The following TMEM63B variants were observed in gnomAD, a reference collection of about 807,000 sequenced individuals.
TMEM63B encodes transmembrane protein 63B.
In TMEM63B, 23 loss-of-function variants were observed where a neutral mutation model predicts 102.6. The ratio of observed to expected loss-of-function variants is 0.22; its 90% CI spans 0.16 to 0.32. The LOEUF (loss-of-function observed/expected upper bound fraction) is 0.32. Ranked by LOEUF, TMEM63B falls within the 10% of genes least tolerant of loss-of-function variation. TMEM63B has a pLI of 1.00. For synonymous variants in TMEM63B, 444 were observed against 437.0 expected, an observed-to-expected ratio of 1.02 and a Z score of -0.20; for missense variants, 628 against 1,095.9, an observed-to-expected ratio of 0.57 and a Z score of 6.03.
intron 4 of TMEM63B, among the ~76,000 whole-genome samples, chr6:44,136,120 A>G (rs1388309044): frequency 6.6e-6 from 1 of 152,046 alleles, no homozygotes; most frequent in Non-Finnish European, 1.5e-5. Flanking sequence ...TCAAGTCCCC[A>G]CTGCCCACCA....
intron 10 of TMEM63B, among the ~76,000 whole-genome samples, chr6:44,142,426 A>G (rs1031828904): frequency 2.0e-5 from 3 of 152,054 alleles, no homozygotes; most frequent in African/African-American, 7.2e-5. Context: ...GCTACTCAGG[A>G]GGCTGAGGCA....
rs1055977495 is a variant in TMEM63B at position 44,136,456 on chromosome 6, C to G, written c.369+17C>G. The G allele has an allele frequency of 2.5e-6, 4 of 1,598,958 alleles. No homozygotes were observed. The highest frequency in any genetic ancestry group is 1.1e-5 in the South Asian group (1 of 90,176). On this transcript the variant is annotated intron_variant, in intron 5 of 23. Coordinates refer to ENST00000323267, the MANE Select transcript of TMEM63B (RefSeq NM_018426.3). ...AGGGACAATGTGAGTGCCCTCCCCC[C>G]AAACTTCTTAGTCCCCCACCCCACC...
In TMEM63B at chr6:44,135,713, T is replaced by G. The variant is rs751673455; in HGVS notation, c.278+347T>G. Among the ~76,000 whole-genome samples, 21 of 152,326 alleles carry G rather than the reference T, an allele frequency of 1.4e-4. 1 individual carries two copies. Among genetic ancestry groups the G allele is most frequent in the Admixed American group, 5.9e-4 (9 of 15,310 alleles). On this transcript the variant is annotated intron_variant, in intron 4 of 23. Coordinates refer to ENST00000323267, the MANE Select transcript of TMEM63B (RefSeq NM_018426.3). ...ACAAGATTGGGTGTCACCAGCAGCT[T>G]CTTGTCCGCTAACAGCTAGTTCTTC...
chr6:44,128,626 T>A (rs1004423350), intron 1 of TMEM63B, among the ~76,000 whole-genome samples: 7 of 152,260 alleles, frequency 4.6e-5, no homozygotes, highest in African/African-American at 1.7e-4. Flanking sequence ...GGGGCAAGCC[T>A]GAGCACTCCA....
chr6:44,140,878 C>A, intron 9 of TMEM63B, 150 bp from the exon 10 acceptor site: 1 of 680,042 alleles, frequency 1.5e-6, no homozygotes, highest in Non-Finnish European at 2.6e-6. Flanking sequence ...ATAACTAAGG[C>A]CTCCTCCCAC....
chr6:44,154,469 G>A (rs772765795), intron 23 of TMEM63B, 24 bp downstream of exon 23: 29 of 1,613,396 alleles, frequency 1.8e-5, no homozygotes, highest in Admixed American at 3.3e-5. Flanking sequence ...AGGGTTGGGA[G>A]GGGCCTCTGA....
At chr6:44,141,170 C>A in intron 10 of TMEM63B, 72 bp downstream of exon 10, 1 of 1,433,930 alleles carries the variant, frequency 7.0e-7, no homozygotes, top group Non-Finnish European at 9.7e-7. Flanking sequence ...ACTCTAAGAA[C>A]ATCCTTATAC....
At chr6:44,142,509 G>A (rs1264349666) in intron 10 of TMEM63B, among the ~76,000 whole-genome samples, 28 of 152,134 alleles carry the variant, frequency 1.8e-4, no homozygotes, top group African/African-American at 2.4e-5. Flanking sequence ...CAGCCTGAGC[G>A]GCAGAGCGAG....
chr6:44,134,328 G>A (rs767081860), intron 1 of TMEM63B: 19 of 491,642 alleles, frequency 3.9e-5, no homozygotes, highest in Non-Finnish European at 5.1e-5. Context: ...TCCAGGCCTG[G>A]CATCTAGACT....
rs565779345 is a variant in TMEM63B, at chr6:44,145,351, C to T, written c.783-1496C>T. The stretch of plus-strand genomic sequence containing the variant: ...ATCCCAGCACTTTGGGAAGCCAGGG[C>T]GGGCCAATCACCTGAGGTCAGGAGT... On this transcript the variant is annotated intron_variant, in intron 10 of 23. Transcript: ENST00000323267. 1.5e-3 allele frequency among the ~76,000 whole-genome samples: 217 copies of T among 147,656 alleles called. 3 individuals are homozygous for T. The highest frequency in any genetic ancestry group is 5.1e-3 in the African/African-American group (205 of 39,842).
Position 44,134,522 on chromosome 6 carries a change from T to C in TMEM63B, c.-24-39T>C. 4.4e-6 allele frequency: 7 copies of C among 1,580,968 alleles called. No homozygotes were observed. In the South Asian group the frequency reaches 8.1e-5, roughly 18 times the overall value. ...CCACCCTACTGGGCCATGAAGGGGATGGGGGCAAGCCCAGCTGACTGCTCC... is the reference window on the plus strand; with the variant it reads ...CCACCCTACTGGGCCATGAAGGGGACGGGGGCAAGCCCAGCTGACTGCTCC... On this transcript the variant is annotated intron_variant, in intron 1 of 23. Coordinates refer to ENST00000323267, the MANE Select transcript of TMEM63B (RefSeq NM_018426.3).
At chr6:44,135,218 C>T in intron 3 of TMEM63B, 110 bp from the exon 4 acceptor site, 2 of 1,567,642 alleles carry the variant, frequency 1.3e-6, no homozygotes, top group African/African-American at 1.4e-5. Flanking sequence ...AAGGGACTAG[C>T]CCCAATGTGG....
rs1286836307 is a variant in TMEM63B, at chr6:44,138,308, C to G, written c.370-172C>G. Reference sequence around the variant, plus strand: ...CTTTGAGGGCTGAGACCTTCCCTCTCTCTCTCCCTTTTTGGGTATAAGCTA... The same window carrying G: ...CTTTGAGGGCTGAGACCTTCCCTCTGTCTCTCCCTTTTTGGGTATAAGCTA... On this transcript the variant is annotated intron_variant, in intron 5 of 23. Coordinates refer to ENST00000323267, the MANE Select transcript of TMEM63B (RefSeq NM_018426.3). 7 of 739,014 alleles carry G rather than the reference C, an allele frequency of 9.5e-6. No homozygotes were observed. In the East Asian group the frequency reaches 1.8e-4, roughly 19 times the overall value. 45.8% of individuals were successfully genotyped at this position (739,014 alleles called of 1,614,324 possible). A position where few individuals can be genotyped will look rare whatever the true frequency, so the allele number is the denominator to read the frequency against.
chr6:44,136,976 C>T (rs1363140415), intron 5 of TMEM63B, among the ~76,000 whole-genome samples: 1 of 152,238 alleles, frequency 6.6e-6, no homozygotes, highest in East Asian at 1.9e-4. Context: ...ACGCGGGAGG[C>T]GGAGCTTGCA....
rs1179963452 is a variant in TMEM63B, at chr6:44,139,863, A to G, written c.602+104A>G. 9 of 1,452,056 alleles carry G rather than the reference A, an allele frequency of 6.2e-6. 1 individual carries two copies. Among genetic ancestry groups the G allele is most frequent in the Admixed American group, 5.1e-5 (3 of 59,304 alleles). The allele number at this position is 1,452,056 out of a possible 1,614,324, so 89.9% of individuals were successfully genotyped here. On this transcript the variant is annotated intron_variant, in intron 8 of 23. Coordinates refer to ENST00000323267, the MANE Select transcript of TMEM63B (RefSeq NM_018426.3). ...AGCTGCGTTGATGGGAGCAGAGCCTACAGGGATGGCTATGGGTCCCTGAGG... is the reference window on the plus strand; with the variant it reads ...AGCTGCGTTGATGGGAGCAGAGCCTGCAGGGATGGCTATGGGTCCCTGAGG...
Position 44,138,608 on chromosome 6 carries a change from G to A in TMEM63B, c.407+91G>A, listed in dbSNP as rs996864593. 5 of 1,496,940 alleles carry A rather than the reference G, an allele frequency of 3.3e-6. No homozygotes were observed. In the African/African-American group the frequency reaches 6.9e-5, roughly 21 times the overall value. The allele number at this position is 1,496,940 out of a possible 1,614,324, so 92.7% of individuals were successfully genotyped here. On this transcript the variant is annotated intron_variant, in intron 6 of 23. Transcript: ENST00000323267. ...AATTCAGAAGCCAGCAGCTTTCAGGGCCTTAGCACTCCTCGCCAGCACAGC... is the reference window on the plus strand; with the variant it reads ...AATTCAGAAGCCAGCAGCTTTCAGGACCTTAGCACTCCTCGCCAGCACAGC...
intron 1 of TMEM63B, 107 bp downstream of exon 1, chr6:44,127,785 T>G (rs1777479460): frequency 6.6e-6 from 1 of 151,434 alleles, no homozygotes; most frequent in South Asian, 2.1e-4. Flanking sequence ...TTCAACCTCC[T>G]GCGGGACCCA....
chr6:44,141,198 C>A, intron 10 of TMEM63B, 100 bp downstream of exon 10: 1 of 1,221,572 alleles, frequency 8.2e-7, no homozygotes, highest in Non-Finnish European at 1.1e-6. Flanking sequence ...TGGAGCTCTG[C>A]CGTGGGTGGG....
intron 5 of TMEM63B, among the ~76,000 whole-genome samples, chr6:44,136,690 A>T (rs1271980659): frequency 6.6e-6 from 1 of 152,234 alleles, no homozygotes; most frequent in Non-Finnish European, 1.5e-5. Context: ...TTTGTTTGCC[A>T]TAAAGAGTTT....
Sources: gnomAD v4.1 joint callset for allele counts (sites outside exome capture counted in the v4.1 genomes callset) on GRCh38, gnomAD v4.1.1 for gene constraint, MANE v1.5 for transcripts, NCBI Gene and HGNC (gene_info 2026-07-23, HGNC 2026-07-21) for gene names.